The following CTNNA2 variants were observed in gnomAD, a reference collection of about 807,000 sequenced individuals.
CTNNA2 encodes catenin alpha-2.
Under a neutral mutation model 101.0 loss-of-function variants are expected in CTNNA2, and 42 were observed. The ratio of observed to expected loss-of-function variants is 0.42; its 90% CI spans 0.32 to 0.54. CTNNA2 has a LOEUF of 0.54. Among genes scored for constraint, CTNNA2 ranks in the 20% least tolerant of loss-of-function variants. CTNNA2 has a pLI of 0.14. For synonymous variants in CTNNA2, 450 were observed against 456.4 expected, an observed-to-expected ratio of 0.99 and a Z score of 0.18; for missense variants, 871 against 1,223.1, an observed-to-expected ratio of 0.71 and a Z score of 4.29.
chr2:79,788,970 CAT>C (rs1212958532), intron 3 of CTNNA2, among the ~76,000 whole-genome samples: 6 of 152,258 alleles, frequency 3.9e-5, no homozygotes, highest in Non-Finnish European at 8.8e-5. Flanking sequence ...GTAAGATAAA[CAT>C]ATGTAATAAT....
At chr2:79,961,671 A>G (rs1162756089) in intron 7 of CTNNA2, among the ~76,000 whole-genome samples, 1 of 151,136 alleles carries the variant, frequency 6.6e-6, no homozygotes, top group Non-Finnish European at 1.5e-5. Flanking sequence ...AAATACAAAA[A>G]ATTAGCCGGG....
intron 2 of CTNNA2, among the ~76,000 whole-genome samples, chr2:79,676,009 G>T (rs1573644107): frequency 1.3e-5 from 2 of 152,144 alleles, no homozygotes; most frequent in East Asian, 3.9e-4. Flanking sequence ...TCACCCTCAG[G>T]GTCATCCGTA....
chr2:79,549,042 G>A (rs982176307), intron 1 of CTNNA2, among the ~76,000 whole-genome samples: 3 of 152,128 alleles, frequency 2.0e-5, no homozygotes, highest in African/African-American at 7.2e-5. Flanking sequence ...CAGGGCATAC[G>A]GTGCATAGTA....
intron 2 of CTNNA2, among the ~76,000 whole-genome samples, chr2:79,238,355 CAAT>C (rs2104250677): frequency 6.6e-6 from 1 of 152,238 alleles, no homozygotes; most frequent in South Asian, 2.1e-4. Context: ...TCAACCAAAA[CAAT>C]TACATTGGTA....
intron 4 of CTNNA2, among the ~76,000 whole-genome samples, chr2:79,384,257 G>A (rs1381853215): frequency 6.6e-6 from 1 of 152,132 alleles, no homozygotes; most frequent in Non-Finnish European, 1.5e-5. Flanking sequence ...CAGTCTTAAA[G>A]TAACTACTGA....
chr2:79,718,771 A>G (rs1015671940), intron 2 of CTNNA2, among the ~76,000 whole-genome samples: 2 of 151,932 alleles, frequency 1.3e-5, no homozygotes, highest in Non-Finnish European at 2.9e-5. Flanking sequence ...GATGCTTTCA[A>G]TAGGAGAGTT....
rs112383959 is a variant in CTNNA2, at chr2:80,116,902, AGT to A, written c.1056+207138_1056+207139del. Among the ~76,000 whole-genome samples the A allele has an allele frequency of 7.2e-3, 1,027 of 143,384 alleles. 4 individuals carry two copies. Among genetic ancestry groups the A allele is most frequent in the Middle Eastern group, 0.021 (6 of 282 alleles). 94.1% of individuals were successfully genotyped at this position (143,384 alleles called of 152,430 possible). A position where few individuals can be genotyped will look rare whatever the true frequency, so the allele number is the denominator to read the frequency against. ...CAGAGAAGGGAAAATAGAAGAAAAT[AGT>A]GTGTGTGTGTGTGTGTGTGTGTGTG... On this transcript the variant is annotated intron_variant, in intron 7 of 18. Transcript: ENST00000402739.
At chr2:80,347,808 A>C (rs1672888663) in intron 7 of CTNNA2, among the ~76,000 whole-genome samples, 2 of 148,474 alleles carry the variant, frequency 1.3e-5, no homozygotes, top group African/African-American at 5.0e-5. Flanking sequence ...CAGCTGATTC[A>C]TTTGCACATT....
At chr2:79,212,126 ATTAT>A (rs2104202219) in intron 2 of CTNNA2, among the ~76,000 whole-genome samples, 1 of 152,310 alleles carries the variant, frequency 6.6e-6, no homozygotes, top group Non-Finnish European at 1.5e-5. Context: ...GCCAGCAAAG[ATTAT>A]TTATTTACTT....
At chr2:79,311,304 G>C (rs1676364020) in intron 2 of CTNNA2, among the ~76,000 whole-genome samples, 1 of 151,482 alleles carries the variant, frequency 6.6e-6, no homozygotes, top group African/African-American at 2.4e-5. Context: ...AGCTACTCGG[G>C]AGGCTGAGGC....
chr2:79,851,295 T>G (rs1301608229), intron 3 of CTNNA2, among the ~76,000 whole-genome samples: 1 of 152,230 alleles, frequency 6.6e-6, no homozygotes, highest in Non-Finnish European at 1.5e-5. Flanking sequence ...GACCTGTAAG[T>G]GGTTTTCAAG....
Position 79,687,429 on chromosome 2 carries a change from G to A in CTNNA2, c.102+35771G>A, listed in dbSNP as rs188419414. On this transcript the variant is annotated intron_variant, in intron 2 of 18. Transcript: ENST00000402739. ...TGAGGAGCAGCAAAAATCCATAAAA[G>A]GTCATTTGGATCTGCTTTTTTTTTT... 203 of 502,942 alleles carry A rather than the reference G, an allele frequency of 4.0e-4. 4 individuals are homozygous for A. The South Asian group carries it at 6.1e-3, about 15-fold the overall frequency. The allele number at this position is 502,942 out of a possible 1,614,324, so 31.2% of individuals were successfully genotyped here.
chr2:79,445,865 G>T (rs980802753), intron 4 of CTNNA2, among the ~76,000 whole-genome samples: 6 of 151,828 alleles, frequency 4.0e-5, no homozygotes, highest in Admixed American at 6.6e-5. Context: ...GTTTTTAAAT[G>T]TTCATGAATA....
intron 3 of CTNNA2, among the ~76,000 whole-genome samples, chr2:79,857,529 C>T (rs1211084730): frequency 6.6e-6 from 1 of 152,116 alleles, no homozygotes; most frequent in Non-Finnish European, 1.5e-5. Context: ...ATCTTGGGTG[C>T]CTCTATGATG....
At chr2:79,605,751 G>GATAATA (rs1033996163) in intron 1 of CTNNA2, among the ~76,000 whole-genome samples, 1 of 151,500 alleles carries the variant, frequency 6.6e-6, no homozygotes, top group Non-Finnish European at 1.5e-5. Context: ...AAATAATGAT[G>GATAATA]ATAATAATAA....
chr2:80,536,014 T>C (rs563316217), intron 9 of CTNNA2, among the ~76,000 whole-genome samples: 2 of 152,280 alleles, frequency 1.3e-5, no homozygotes, highest in Admixed American at 6.5e-5. Flanking sequence ...GCTGAGCCTG[T>C]TTTTCTACCA....
intron 1 of CTNNA2, among the ~76,000 whole-genome samples, chr2:79,622,770 G>C (rs892697898): frequency 6.6e-6 from 1 of 152,158 alleles, no homozygotes; most frequent in African/African-American, 2.4e-5. Flanking sequence ...CCTTCTGGAT[G>C]CAGGGAGCGG....
chr2:80,161,515 G>A (rs531730965), intron 7 of CTNNA2, among the ~76,000 whole-genome samples: 6 of 151,936 alleles, frequency 3.9e-5, no homozygotes, highest in East Asian at 1.9e-4. Context: ...ATTAGAAAAC[G>A]TTAAGATTAA....
intron 3 of CTNNA2, among the ~76,000 whole-genome samples, chr2:79,808,289 A>C (rs947332399): frequency 1.2e-4 from 19 of 152,166 alleles, no homozygotes; most frequent in African/African-American, 4.6e-4. Flanking sequence ...AGGAAGGACT[A>C]CTGGGTAGTG....
Sources: allele counts gnomAD v4.1 joint callset (sites outside exome capture counted in the v4.1 genomes callset), GRCh38; gene constraint gnomAD v4.1.1; transcripts MANE v1.5; gene names NCBI Gene and HGNC (gene_info 2026-07-23, HGNC 2026-07-21).